Variants in STRN3 observed in about 807,000 individuals in gnomAD.
STRN3 encodes striatin-3.
In STRN3, 29 loss-of-function variants were observed where a neutral mutation model predicts 95.6. The observed-to-expected ratio is 0.30, with a 90% CI of 0.23 to 0.41. The LOEUF (loss-of-function observed/expected upper bound fraction) is 0.41, where lower values mean the gene tolerates loss of function less well. Among genes scored for constraint, STRN3 ranks in the 10% least tolerant of loss-of-function variants. The pLI is 1.00. For missense variants in STRN3, 890 were observed against 972.1 expected, an observed-to-expected ratio of 0.92 and a Z score of 1.12; for synonymous variants, 331 against 357.6, an observed-to-expected ratio of 0.93 and a Z score of 0.84.
At chr14:30,900,635 G>C (rs897221934) in intron 16 of STRN3, among the ~76,000 whole-genome samples, 5 of 151,656 alleles carry the variant, frequency 3.3e-5, no homozygotes, top group African/African-American at 1.2e-4. Flanking sequence ...GTCCCACCCA[G>C]CTATGTGGGA....
Position 31,025,895 on chromosome 14 carries a change from A to G in STRN3, c.282+9T>C, listed in dbSNP as rs754176851. 6.3e-7 allele frequency: 1 copy of G among 1,597,844 alleles called. No individual in the cohort carries two copies. The highest frequency in any genetic ancestry group is 8.5e-7 in the Non-Finnish European group (1 of 1,173,054). ...CCGCAGCTCCCGCACACCGACCCCAACGAGGTACCTGCAGTTCGGCCCGTT... is the reference window on the plus strand; with the variant it reads ...CCGCAGCTCCCGCACACCGACCCCAGCGAGGTACCTGCAGTTCGGCCCGTT... On this transcript the variant is annotated intron_variant, in intron 1 of 17. Transcript: ENST00000357479.
At position 31,026,223 on chromosome 14, in the gene STRN3, C is replaced by T; in HGVS notation, c.-38G>A. 1 of 1,381,060 alleles carries T rather than the reference C, an allele frequency of 7.2e-7. No homozygotes were observed. The highest frequency in any genetic ancestry group is 1.5e-5 in the African/African-American group (1 of 65,400). 85.6% of individuals were successfully genotyped at this position (1,381,060 alleles called of 1,614,324 possible). On this transcript the variant is annotated 5_prime_UTR_variant, in exon 1 of 18. Coordinates refer to ENST00000357479, the MANE Select transcript of STRN3 (RefSeq NM_001083893.2). ...CCCGGCCGGGGCGCAGGGCGAGACG[C>T]CGACAGCTGGGGGAAGGGCCGGAGA...
intron 1 of STRN3, among the ~76,000 whole-genome samples, chr14:30,958,795 G>A (rs552122528): frequency 6.6e-6 from 1 of 152,318 alleles, no homozygotes; most frequent in African/African-American, 2.4e-5. Flanking sequence ...CAACCCAGCA[G>A]CAGTATTTCC....
chr14:30,981,945 A>C (rs1881424869), intron 1 of STRN3, among the ~76,000 whole-genome samples: 1 of 151,896 alleles, frequency 6.6e-6, no homozygotes, highest in Admixed American at 6.6e-5. Context: ...AAATACAAAA[A>C]TTAGCCCAGG....
rs774761520 is a variant in STRN3 at position 30,947,248 on chromosome 14, T to C, written c.558A>G (p.Val186=). ...CATCTAATATTGTATCTGTATAACC[T>C]ACTTCCTGAAGATACCTGTAAGAGA... is the stretch of plus-strand genomic sequence containing the variant. ...RQLLRQYLQE[V]GYTDTILDVR... Residue 186 remains valine, a synonymous_variant, in exon 5 of 18, where the codon GTA becomes GTG. Coordinates refer to ENST00000357479, the MANE Select transcript of STRN3 (RefSeq NM_001083893.2). 49 of 1,591,926 alleles carry C rather than the reference T, an allele frequency of 3.1e-5. No homozygotes were observed. Among genetic ancestry groups the C allele is most frequent in the Non-Finnish European group, 4.2e-5 (49 of 1,172,486 alleles).
chr14:30,894,887 C>CTTT lies in STRN3; in HGVS notation c.*521_*523dup. ...GCTAAAATATTTTAAGTTAAATTTT[C>CTTT]TTTTTCTTTTTTTTTTTTTTTAAAG... On this transcript the variant is annotated 3_prime_UTR_variant, in exon 18 of 18. Transcript: ENST00000357479. 2.6e-6 allele frequency: 2 copies of CTTT among 765,400 alleles called. No homozygotes were observed. Among genetic ancestry groups the CTTT allele is most frequent in the Non-Finnish European group, 3.3e-6 (2 of 599,968 alleles). The allele number at this position is 765,400 out of a possible 1,614,324, so 47.4% of individuals were successfully genotyped here. A position where few individuals can be genotyped will look rare whatever the true frequency, so the allele number is the denominator to read the frequency against.
intron 8 of STRN3, among the ~76,000 whole-genome samples, chr14:30,925,897 GAAT>G (rs1404795504): frequency 2.0e-5 from 3 of 151,840 alleles, no homozygotes; most frequent in South Asian, 2.1e-4. Flanking sequence ...GAGAACATCA[GAAT>G]AATAACATGG....
intron 1 of STRN3, among the ~76,000 whole-genome samples, chr14:30,992,339 A>C (rs558397311): frequency 2.0e-5 from 3 of 151,792 alleles, no homozygotes; most frequent in African/African-American, 7.2e-5. Context: ...CAGGAGGCAG[A>C]GGTTGCAGTG....
chr14:30,964,143 A>T (rs1247131799), intron 1 of STRN3, among the ~76,000 whole-genome samples: 1 of 152,094 alleles, frequency 6.6e-6, no homozygotes, highest in East Asian at 1.9e-4. Flanking sequence ...TCTCAGCTAT[A>T]CGAGAGGGTG....
At chr14:30,962,691 T>A (rs1880269521) in intron 1 of STRN3, among the ~76,000 whole-genome samples, 1 of 152,054 alleles carries the variant, frequency 6.6e-6, no homozygotes, top group Non-Finnish European at 1.5e-5. Flanking sequence ...CCTACTACTA[T>A]GACTGGCTAA....
At chr14:30,968,384 TA>T (rs71112364) in intron 1 of STRN3, among the ~76,000 whole-genome samples, 109,170 of 136,762 alleles carry the variant, frequency 0.8, 44,497 homozygotes, top group Non-Finnish European at 0.9. Flanking sequence ...TTAACTGGTT[TA>T]AAAAAAAAAA....
chr14:30,939,587 A>T (rs1221302373), intron 5 of STRN3, among the ~76,000 whole-genome samples: 1 of 152,108 alleles, frequency 6.6e-6, no homozygotes, highest in African/African-American at 2.4e-5. Flanking sequence ...CTGTTGCTGC[A>T]GTTGCTAAAA....
In STRN3 at chr14:30,912,138, C is replaced by G; in HGVS notation, c.1419G>C (p.Lys473Asn). 1 of 1,613,228 alleles carries G rather than the reference C, an allele frequency of 6.2e-7. No homozygotes were observed. Among genetic ancestry groups the G allele is most frequent in the Non-Finnish European group, 8.5e-7 (1 of 1,179,844 alleles). ...CATCAAAATGGCTACGTAGTGTATACTTGGGATTCCATGTCTTTCGAAAGG... is the reference window on the plus strand; with the variant it reads ...CATCAAAATGGCTACGTAGTGTATAGTTGGGATTCCATGTCTTTCGAAAGG... ...KDAFRKTWNP[K>N]YTLRSHFDGV... The change falls in exon 11 of 18, where the codon AAG becomes AAC. Residue 473 changes from lysine to asparagine, a missense_variant. By Grantham distance (94) the Lys-to-Asn change is moderately conservative. Transcript: ENST00000357479.
chr14:31,025,738 G>C (rs1477729803), intron 1 of STRN3, 166 bp downstream of exon 1: 4 of 912,710 alleles, frequency 4.4e-6, no homozygotes, highest in Non-Finnish European at 6.4e-6. Context: ...AGAGGGAGGG[G>C]GACTCCAGGA....
rs191622625 is a variant in STRN3 at position 30,960,349 on chromosome 14, G to T, written c.283-4107C>A. Among the ~76,000 whole-genome samples the T allele has an allele frequency of 1.9e-3, 286 of 152,148 alleles. 1 individual carries two copies. The highest frequency in any genetic ancestry group is 7.5e-3 in the Admixed American group (115 of 15,282). On this transcript the variant is annotated intron_variant, in intron 1 of 17. Transcript: ENST00000357479. ...TTTCAAGAAAAACAAAAAGAATGAG[G>T]TGATAGAATTTGCTCTACTAAACAA...
chr14:30,998,589 T>A (rs1374885032), intron 1 of STRN3, among the ~76,000 whole-genome samples: 1 of 152,204 alleles, frequency 6.6e-6, no homozygotes, highest in Non-Finnish European at 1.5e-5. Flanking sequence ...AACACACACA[T>A]AGAGCCCCCT....
chr14:31,024,156 A>C (rs775027536), intron 1 of STRN3, among the ~76,000 whole-genome samples: 6 of 152,212 alleles, frequency 3.9e-5, no homozygotes, highest in Non-Finnish European at 7.4e-5. Context: ...TGCTTACATT[A>C]GTGAAGTTTA....
intron 1 of STRN3, among the ~76,000 whole-genome samples, chr14:30,976,122 T>C (rs1881092342): frequency 6.6e-6 from 1 of 152,090 alleles, no homozygotes; most frequent in South Asian, 2.1e-4. Flanking sequence ...AAAGAGACTG[T>C]TGTAGTGAAT....
chr14:30,973,698 T>C (rs1245296284), intron 1 of STRN3, among the ~76,000 whole-genome samples: 1 of 152,190 alleles, frequency 6.6e-6, no homozygotes, highest in Non-Finnish European at 1.5e-5. Context: ...ACATCCCCTG[T>C]GAACACTGAT....
Sources: gnomAD v4.1 joint callset for allele counts (sites outside exome capture counted in the v4.1 genomes callset) on GRCh38, gnomAD v4.1.1 for gene constraint, MANE v1.5 for transcripts, NCBI Gene and HGNC (gene_info 2026-07-23, HGNC 2026-07-21) for gene names.